The following MAGT1 variants were observed in gnomAD, a reference collection of about 807,000 sequenced individuals.
MAGT1 encodes dolichyl-diphosphooligosaccharide--protein glycosyltransferase subunit MAGT1.
MAGT1 carries 4 observed loss-of-function variants against 28.4 expected under a neutral mutation model. The observed-to-expected ratio is 0.14, with a 90% CI of 0.07 to 0.32. MAGT1 has a LOEUF of 0.32. MAGT1 is among the 10% of genes least tolerant of loss of function. MAGT1 has a pLI of 1.00. For missense variants in MAGT1, 193 were observed against 264.5 expected, an observed-to-expected ratio of 0.73 and a Z score of 1.88; for synonymous variants, 89 against 89.7, an observed-to-expected ratio of 0.99 and a Z score of 0.04.
At chrX:77,867,888 A>C (rs1447463343) in intron 3 of MAGT1, among the ~76,000 whole-genome samples, 2 of 67,259 alleles carry the variant, frequency 3.0e-5, no homozygotes, top group Admixed American at 2.0e-4. Context: ...TATTAATACC[A>C]TGTAGAAAAA....
intron 3 of MAGT1, among the ~76,000 whole-genome samples, chrX:77,861,483 G>A (rs977915437): frequency 1.1e-4 from 12 of 111,980 alleles, no homozygotes; most frequent in Admixed American, 3.8e-4. Flanking sequence ...ATGGAAAACA[G>A]CATGGAGGTT....
At chrX:77,864,047 C>T (rs1408639398) in intron 3 of MAGT1, among the ~76,000 whole-genome samples, 4 of 110,627 alleles carry the variant, frequency 3.6e-5, no homozygotes, top group African/African-American at 9.9e-5. Flanking sequence ...TGTGTATACA[C>T]AATGGAATAC....
intron 8 of MAGT1, among the ~76,000 whole-genome samples, chrX:77,834,251 TATAC>T (rs1557213657): frequency 1.6e-5 from 1 of 60,884 alleles, no homozygotes; most frequent in African/African-American, 4.0e-5. Context: ...TATGCATATA[TATAC>T]ATGTGTGTAT....
chrX:77,845,619 G>T (rs886796813), intron 7 of MAGT1, among the ~76,000 whole-genome samples: 106 of 111,631 alleles, frequency 9.5e-4, no homozygotes, highest in African/African-American at 2.1e-3. Flanking sequence ...AGGAGCTCTT[G>T]TCGGGCAGGC....
intron 7 of MAGT1, among the ~76,000 whole-genome samples, chrX:77,845,662 G>A (rs1294255045): frequency 9.0e-6 from 1 of 111,375 alleles, no homozygotes; most frequent in Non-Finnish European, 1.9e-5. Context: ...GCATTTGCTT[G>A]TCTGTAAAGG....
At chrX:77,869,945 C>T (rs2077016473) in intron 3 of MAGT1, among the ~76,000 whole-genome samples, 1 of 111,948 alleles carries the variant, frequency 8.9e-6, no homozygotes, top group African/African-American at 3.2e-5. Context: ...AAGACACATA[C>T]ACATGCATAT....
intron 1 of MAGT1, among the ~76,000 whole-genome samples, chrX:77,881,945 C>A (rs2077053921): frequency 9.0e-6 from 1 of 111,530 alleles, no homozygotes; most frequent in African/African-American, 3.3e-5. Flanking sequence ...AAAGCTTATC[C>A]ACCATGATCA....
intron 3 of MAGT1, among the ~76,000 whole-genome samples, chrX:77,864,011 C>A (rs2077001922): frequency 9.1e-6 from 1 of 110,399 alleles, no homozygotes; most frequent in Non-Finnish European, 1.9e-5. Context: ...GAGAAAGACT[C>A]CATCTCAAAG....
rs912336956 is a variant in MAGT1, at chrX:77,826,614, T to C, written c.*2606A>G. ...TACCTTCTACACATTTTAGCCAGAA[T>C]GCTGCCTTTCTCCTTACAGAAGAAT... is the stretch of plus-strand genomic sequence containing the variant. On this transcript the variant is annotated 3_prime_UTR_variant, in exon 10 of 10. Coordinates refer to ENST00000618282, the MANE Select transcript of MAGT1 (RefSeq NM_001367916.1). 1 of 112,941 alleles carries C rather than the reference T, an allele frequency of 8.9e-6. No individual in the cohort carries two copies. Among genetic ancestry groups the C allele is most frequent in the Non-Finnish European group, 1.9e-5 (1 of 53,342 alleles). The allele number at this position is 112,941 out of a possible 1,213,427, so 9.3% of individuals were successfully genotyped here.
At chrX:77,845,492 G>A (rs2076948683) in intron 7 of MAGT1, among the ~76,000 whole-genome samples, 1 of 111,493 alleles carries the variant, frequency 9.0e-6, no homozygotes, top group Non-Finnish European at 1.9e-5. Flanking sequence ...TATGTTAGCT[G>A]GTTATTTTGC....
chrX:77,852,056 G>A (rs782013453), intron 7 of MAGT1, among the ~76,000 whole-genome samples: 3 of 108,544 alleles, frequency 2.8e-5, no homozygotes, highest in East Asian at 2.9e-4. Context: ...CCGCCACCAC[G>A]CTCAGCTAAT....
At chrX:77,861,195 A>AAC (rs1348955043) in intron 3 of MAGT1, among the ~76,000 whole-genome samples, 1 of 109,709 alleles carries the variant, frequency 9.1e-6, no homozygotes. Flanking sequence ...AAAAAAAGGC[A>AAC]ACACACACAC....
At position 77,870,802 on chromosome X, in the gene MAGT1, T is replaced by C. The variant is rs782066955; in HGVS notation, c.390+6A>G. The C allele has an allele frequency of 6.7e-5, 75 of 1,115,631 alleles. No individual in the cohort carries two copies. In the Admixed American group the frequency reaches 1.7e-3, roughly 25 times the overall value. The allele number at this position is 1,115,631 out of a possible 1,213,427, so 91.9% of individuals were successfully genotyped here. Reference sequence around the variant, plus strand: ...TTTATATAGCAGAATAAACCAAAGATCTTACCATCTGAAATACATCAGAGC... The same window carrying C: ...TTTATATAGCAGAATAAACCAAAGACCTTACCATCTGAAATACATCAGAGC... On this transcript the variant is annotated splice_donor_region_variant and intron_variant, in intron 3 of 9. Coordinates refer to ENST00000618282, the MANE Select transcript of MAGT1 (RefSeq NM_001367916.1).
At chrX:77,874,286 TC>T (rs782712504) in intron 2 of MAGT1, among the ~76,000 whole-genome samples, 51 of 104,296 alleles carry the variant, frequency 4.9e-4, no homozygotes, top group South Asian at 4.6e-4. Context: ...CCCAGCTGCA[TC>T]TTTTTTTTAA....
At chrX:77,833,162 T>C (rs2036229270) in intron 8 of MAGT1, among the ~76,000 whole-genome samples, 1 of 112,356 alleles carries the variant, frequency 8.9e-6, no homozygotes, top group Admixed American at 9.5e-5. Context: ...CAATAGTCTA[T>C]TTCAGAAAAA....
At chrX:77,854,002 T>C (rs782375096) in intron 6 of MAGT1, 38 bp from the exon 7 acceptor site, 3 of 1,044,187 alleles carry the variant, frequency 2.9e-6, no homozygotes, top group South Asian at 1.9e-5. Flanking sequence ...TCTTTAAGTA[T>C]ACATTAAATG....
chrX:77,892,266 A>AT (rs1161099389), intron 1 of MAGT1, among the ~76,000 whole-genome samples: 18 of 112,158 alleles, frequency 1.6e-4, no homozygotes, highest in African/African-American at 5.8e-4. Context: ...TAGACCTGGA[A>AT]TTTTTTTAAA....
chrX:77,877,882 A>G (rs1371066515), intron 1 of MAGT1, among the ~76,000 whole-genome samples: 1 of 108,749 alleles, frequency 9.2e-6, no homozygotes, highest in Non-Finnish European at 1.9e-5. Context: ...TATACTGACA[A>G]TATCAAATGC....
At chrX:77,881,004 A>G (rs1419598335) in intron 1 of MAGT1, among the ~76,000 whole-genome samples, 1 of 109,234 alleles carries the variant, frequency 9.2e-6, no homozygotes, top group Non-Finnish European at 1.9e-5. Flanking sequence ...GGTTATAACA[A>G]ATAATTAACA....
Sources: allele counts gnomAD v4.1 joint callset (sites outside exome capture counted in the v4.1 genomes callset), GRCh38; gene constraint gnomAD v4.1.1; transcripts MANE v1.5; gene names NCBI Gene and HGNC (gene_info 2026-07-23, HGNC 2026-07-21).